TLN2: variants seen among roughly 807,000 people sequenced by gnomAD.
The protein encoded by TLN2 is talin-2.
In TLN2, 118 loss-of-function variants were observed where a neutral mutation model predicts 294.7. The observed-to-expected ratio is 0.40, with a 90% CI of 0.34 to 0.47. TLN2 has a LOEUF of 0.47. TLN2 is among the 20% of genes least tolerant of loss of function. The probability of loss-of-function intolerance (pLI) is 0.84; values close to 1 mark genes in which losing one functional copy is unlikely to be tolerated. For synonymous variants in TLN2, 1,431 were observed against 1,304.5 expected (o/e 1.10, Z -2.09); for missense variants, 3,083 against 3,282.2 (o/e 0.94, Z 1.48).
At chr15:62,827,474 C>T (rs2068325113) in intron 54 of TLN2, among the ~76,000 whole-genome samples, 1 of 152,138 alleles carries the variant, frequency 6.6e-6, no homozygotes, top group South Asian at 2.1e-4. Flanking sequence ...TGACAGAAAA[C>T]TGAGTAACTG....
chr15:62,727,391 C>G (rs762118910), intron 28 of TLN2, among the ~76,000 whole-genome samples: 33 of 152,182 alleles, frequency 2.2e-4, no homozygotes, highest in Non-Finnish European at 4.6e-4. Context: ...TCCCCCAAAC[C>G]ATTTATGGAT....
chr15:62,717,800 C>A, intron 24 of TLN2, 111 bp downstream of exon 24: 1 of 763,512 alleles, frequency 1.3e-6, no homozygotes, highest in Non-Finnish European at 2.0e-6. Context: ...GCTCCTAATC[C>A]AATTTGCCCC....
chr15:62,624,591 A>G (rs1180369058), intron 3 of TLN2, among the ~76,000 whole-genome samples: 1 of 149,594 alleles, frequency 6.7e-6, no homozygotes, highest in African/African-American at 2.5e-5. Context: ...AGAAGAGCAG[A>G]GAAGGAAGAA....
intron 52 of TLN2, among the ~76,000 whole-genome samples, chr15:62,810,454 C>G (rs1182849510): frequency 1.3e-5 from 2 of 152,166 alleles, no homozygotes; most frequent in Non-Finnish European, 2.9e-5. Flanking sequence ...GTGAGGGAGG[C>G]TGCCAGTGCT....
chr15:62,571,310 G>C (rs2043844553), intron 1 of TLN2, among the ~76,000 whole-genome samples: 1 of 152,094 alleles, frequency 6.6e-6, no homozygotes, highest in African/African-American at 2.4e-5. Flanking sequence ...TCATCTGGGG[G>C]GACGGTGCCA....
intron 1 of TLN2, among the ~76,000 whole-genome samples, chr15:62,460,419 C>A (rs530658950): frequency 1.3e-5 from 2 of 152,324 alleles, no homozygotes; most frequent in East Asian, 3.9e-4. Flanking sequence ...CATGTGCCAC[C>A]ACGCCTGGCT....
chr15:62,391,251 G>A (rs289104), intron 1 of TLN2, among the ~76,000 whole-genome samples: 130,453 of 152,290 alleles, frequency 0.86, 56,095 homozygotes, highest in East Asian at 1. Context: ...TTCCTTCTCC[G>A]GTGCCGGACA....
chr15:62,560,815 T>G (rs1284206394), intron 1 of TLN2, among the ~76,000 whole-genome samples: 1 of 152,202 alleles, frequency 6.6e-6, no homozygotes, highest in African/African-American at 2.4e-5. Flanking sequence ...GCTCTGCAGG[T>G]GATGAGACTT....
chr15:62,665,301 C>T (rs933453241), intron 9 of TLN2, among the ~76,000 whole-genome samples: 2 of 152,144 alleles, frequency 1.3e-5, no homozygotes, highest in Non-Finnish European at 1.5e-5. Flanking sequence ...CCACCCTCTT[C>T]AGCCTCCCAA....
rs181782525 is a variant in TLN2 at position 62,668,722 on chromosome 15, C to A, written c.789-5105C>A. Among the ~76,000 whole-genome samples, 323 of 152,262 alleles carry A rather than the reference C, an allele frequency of 2.1e-3. 1 individual carries two copies. The highest frequency in any genetic ancestry group is 7.4e-3 in the African/African-American group (309 of 41,548). ...CCTCAGAGTCAGTGTGTAGAATTATCTAAAGGGCTTGTTACAAGATGCCGG... is the reference window on the plus strand; with the variant it reads ...CCTCAGAGTCAGTGTGTAGAATTATATAAAGGGCTTGTTACAAGATGCCGG... On this transcript the variant is annotated intron_variant, in intron 9 of 58. Transcript: ENST00000636159.
At chr15:62,549,086 A>G (rs969562248) in intron 1 of TLN2, among the ~76,000 whole-genome samples, 4 of 152,266 alleles carry the variant, frequency 2.6e-5, no homozygotes, top group Non-Finnish European at 4.4e-5. Context: ...GCTGTTTAGT[A>G]GGACTGTACA....
intron 31 of TLN2, 141 bp from the exon 32 acceptor site, chr15:62,740,489 A>C: frequency 2.0e-6 from 2 of 1,012,846 alleles, no homozygotes; most frequent in East Asian, 2.4e-5. Context: ...TCAACGAGTT[A>C]GGCATCTGCG....
intron 1 of TLN2, among the ~76,000 whole-genome samples, chr15:62,450,084 C>T (rs2036016903): frequency 6.6e-6 from 1 of 152,228 alleles, no homozygotes. Flanking sequence ...TGTTTTCTGC[C>T]GTCTCCTGCA....
chr15:62,442,548 G>A (rs1326312970), intron 1 of TLN2, among the ~76,000 whole-genome samples: 1 of 149,176 alleles, frequency 6.7e-6, no homozygotes, highest in Non-Finnish European at 1.5e-5. Flanking sequence ...GTCTGCTGGA[G>A]AGTCACCTGG....
At chr15:62,596,625 C>T (rs57800295) in intron 2 of TLN2, among the ~76,000 whole-genome samples, 1,691 of 152,062 alleles carry the variant, frequency 0.011, 34 homozygotes, top group African/African-American at 0.039. Context: ...GCAGTTCCAG[C>T]TACTCTGGAG....
At chr15:62,601,455 G>C (rs376607639) in intron 2 of TLN2, among the ~76,000 whole-genome samples, 10 of 152,220 alleles carry the variant, frequency 6.6e-5, no homozygotes, top group African/African-American at 2.4e-4. Flanking sequence ...TCAAGGTTTG[G>C]TCAGACTCAG....
intron 28 of TLN2, among the ~76,000 whole-genome samples, chr15:62,734,982 C>T (rs2060927796): frequency 6.6e-6 from 1 of 152,190 alleles, no homozygotes; most frequent in Admixed American, 6.5e-5. Flanking sequence ...CTGTAGAAAA[C>T]AGTCATTTCA....
At chr15:62,477,908 G>C (rs372744408) in intron 1 of TLN2, among the ~76,000 whole-genome samples, 2 of 138,176 alleles carry the variant, frequency 1.4e-5, no homozygotes, top group African/African-American at 2.6e-5. Flanking sequence ...ATGGAGGGGG[G>C]GGTGCAGCGG....
intron 2 of TLN2, among the ~76,000 whole-genome samples, chr15:62,613,067 A>T (rs935274335): frequency 2.6e-5 from 4 of 152,166 alleles, no homozygotes; most frequent in Non-Finnish European, 5.9e-5. Flanking sequence ...TCCTGACCCT[A>T]CCGCTTCTTA....
Sources: gnomAD v4.1 joint callset for allele counts (sites outside exome capture counted in the v4.1 genomes callset) on GRCh38, gnomAD v4.1.1 for gene constraint, MANE v1.5 for transcripts, NCBI Gene and HGNC (gene_info 2026-07-23, HGNC 2026-07-21) for gene names.